Variants in CTNND2 observed in about 807,000 individuals in gnomAD.
CTNND2 encodes the protein catenin delta-2.
CTNND2 carries 22 observed loss-of-function variants against 144.4 expected under a neutral mutation model. That is an observed-to-expected ratio of 0.15 (90% CI 0.11 to 0.22). The LOEUF (loss-of-function observed/expected upper bound fraction) is 0.22. Among genes scored for constraint, CTNND2 ranks in the 10% least tolerant of loss-of-function variants. CTNND2 has a pLI of 1.00. For missense variants in CTNND2, 1,353 were observed against 1,618.8 expected (o/e 0.84, Z 2.82); for synonymous variants, 751 against 695.6 (o/e 1.08, Z -1.25).
intron 1 of CTNND2, among the ~76,000 whole-genome samples, chr5:11,886,758 T>C (rs964152157): frequency 6.6e-6 from 1 of 152,154 alleles, no homozygotes; most frequent in Non-Finnish European, 1.5e-5. Flanking sequence ...AGATGATTCA[T>C]AAAATAAAGA....
chr5:11,690,313 A>G (rs889576279), intron 2 of CTNND2, among the ~76,000 whole-genome samples: 1 of 152,198 alleles, frequency 6.6e-6, no homozygotes, highest in African/African-American at 2.4e-5. Flanking sequence ...AACAAAAAAA[A>G]CTTTCAAACG....
chr5:11,158,518 A>G (rs1429326426), intron 12 of CTNND2, among the ~76,000 whole-genome samples: 3 of 152,168 alleles, frequency 2.0e-5, no homozygotes, highest in African/African-American at 4.8e-5. Flanking sequence ...CCATGAACGC[A>G]TGTAGATATT....
intron 7 of CTNND2, 45 bp from the exon 8 acceptor site, chr5:11,364,935 A>G: frequency 6.6e-7 from 1 of 1,520,334 alleles, no homozygotes. Context: ...GGCGACCTCC[A>G]AACAGAACTT....
rs149790860 is a variant in CTNND2 at position 11,553,343 on chromosome 5, T to C, written c.287+11601A>G. Among the ~76,000 whole-genome samples, 130 of 152,350 alleles carry C rather than the reference T, an allele frequency of 8.5e-4. 1 individual carries two copies. The highest frequency in any genetic ancestry group is 2.9e-3 in the African/African-American group (120 of 41,586). ...GAAGGAGACAAACATGGTACTACTC[T>C]GATACATCTTTTTAGCCCACAATGA... is the stretch of plus-strand genomic sequence containing the variant. On this transcript the variant is annotated intron_variant, in intron 3 of 21. Coordinates refer to ENST00000304623, the MANE Select transcript of CTNND2 (RefSeq NM_001332.4).
chr5:11,529,361 C>T (rs1042658729), intron 3 of CTNND2, among the ~76,000 whole-genome samples: 5 of 152,182 alleles, frequency 3.3e-5, no homozygotes, highest in East Asian at 1.9e-4. Flanking sequence ...AAAACCAAAG[C>T]GTCTTCCAAT....
chr5:11,301,378 G>A (rs554253560), intron 9 of CTNND2, among the ~76,000 whole-genome samples: 1 of 152,182 alleles, frequency 6.6e-6, no homozygotes, highest in Non-Finnish European at 1.5e-5. Context: ...CCCTCAGCTG[G>A]AGTCACTGAA....
intron 16 of CTNND2, among the ~76,000 whole-genome samples, chr5:11,037,284 A>C (rs937619742): frequency 6.6e-6 from 1 of 152,182 alleles, no homozygotes; most frequent in African/African-American, 2.4e-5. Flanking sequence ...CAGCCTTAGC[A>C]CCAACAGGTG....
chr5:11,210,908 A>T (rs936357138), intron 10 of CTNND2, among the ~76,000 whole-genome samples: 11 of 152,180 alleles, frequency 7.2e-5, no homozygotes, highest in African/African-American at 2.7e-4. Context: ...GAACCTGTGG[A>T]GTCAGGAATT....
At chr5:11,319,989 C>T (rs765779109) in intron 9 of CTNND2, among the ~76,000 whole-genome samples, 14 of 152,168 alleles carry the variant, frequency 9.2e-5, no homozygotes, top group Non-Finnish European at 1.9e-4. Context: ...CAAATGGACA[C>T]TGCATATACA....
Position 11,904,214 on chromosome 5 carries a change from C to T in CTNND2, c.-361G>A, listed in dbSNP as rs1738153492. Among the ~76,000 whole-genome samples the T allele has an allele frequency of 6.9e-6, 1 of 145,422 alleles. No individual in the cohort carries two copies. The highest frequency in any genetic ancestry group is 6.8e-5 in the Admixed American group (1 of 14,710). On this transcript the variant is annotated 5_prime_UTR_variant, in exon 1 of 22. Transcript: ENST00000304623. The surrounding 1 kb of genome is among the most constrained non-coding windows in gnomAD (Gnocchi z 4.2). ...CGCGCCCGCAGCTCCGCTCAGCCGGCTGTCGCCGCGGGCGCGAGCCTGGGG... is the reference window on the plus strand; with the variant it reads ...CGCGCCCGCAGCTCCGCTCAGCCGGTTGTCGCCGCGGGCGCGAGCCTGGGG...
chr5:11,805,544 G>A (rs1199478019), intron 1 of CTNND2, among the ~76,000 whole-genome samples: 1 of 152,010 alleles, frequency 6.6e-6, no homozygotes, highest in Non-Finnish European at 1.5e-5. Flanking sequence ...AACAATGAAT[G>A]AATGAATGAA....
chr5:11,573,416 A>T (rs1321044116), intron 2 of CTNND2, among the ~76,000 whole-genome samples: 1 of 152,100 alleles, frequency 6.6e-6, no homozygotes, highest in East Asian at 1.9e-4. Context: ...TTGACTCTAC[A>T]GCCACGTCTC....
rs535272065 is a variant in CTNND2 at position 10,986,748 on chromosome 5, G to A, written c.3343+1363C>T. The A allele has an allele frequency of 1.3e-3, 579 of 451,028 alleles. 2 individuals carry two copies. The highest frequency in any genetic ancestry group is 2.9e-3 in the Admixed American group (121 of 41,430). 27.9% of individuals were successfully genotyped at this position (451,028 alleles called of 1,614,324 possible). A position where few individuals can be genotyped will look rare whatever the true frequency, so the allele number is the denominator to read the frequency against. On this transcript the variant is annotated intron_variant, in intron 20 of 21. Transcript: ENST00000304623. ...ATGGAGGCAGAATGTGCTCCTGGGG[G>A]CAGGGATAAGAAACATCCGTTTATT...
chr5:11,098,685 G>A lies in CTNND2; in HGVS notation c.2527C>T (p.His843Tyr). The change falls in exon 15 of 22, where the codon CAC becomes TAC. Residue 843 changes from histidine (H) to tyrosine (Y), a missense_variant. By Grantham distance (83) the His-to-Tyr change is moderately conservative (BLOSUM62 2). Around this residue, in one of 4 missense-constraint regions of CTNND2, gnomAD observed 459 missense variants for 674.3 expected, o/e 0.68. Coordinates refer to ENST00000304623, the MANE Select transcript of CTNND2 (RefSeq NM_001332.4). The part of the protein sequence containing the change: ...EPPKGIQMLW[H>Y]PSIVKPYLTL... The stretch of plus-strand genomic sequence containing the variant: ...AGGTAGGGTTTGACTATTGATGGGT[G>A]CCACAGCATCTGGATCCCTTTTGGT... 1.2e-6 allele frequency: 2 copies of A among 1,614,170 alleles called. No homozygotes were observed. Among genetic ancestry groups the A allele is most frequent in the Non-Finnish European group, 1.7e-6 (2 of 1,179,996 alleles).
intron 10 of CTNND2, among the ~76,000 whole-genome samples, chr5:11,228,371 A>C (rs1268182013): frequency 6.7e-6 from 1 of 150,000 alleles, no homozygotes; most frequent in Non-Finnish European, 1.5e-5. Context: ...AAAAAAAAAA[A>C]AAAAAAAACA....
intron 3 of CTNND2, among the ~76,000 whole-genome samples, chr5:11,547,461 C>T (rs1009611249): frequency 3.3e-5 from 5 of 151,776 alleles, no homozygotes; most frequent in Non-Finnish European, 7.4e-5. Context: ...TTCTATTCAT[C>T]AAAGGACACT....
At chr5:11,869,686 C>A (rs1795934641) in intron 1 of CTNND2, among the ~76,000 whole-genome samples, 1 of 152,162 alleles carries the variant, frequency 6.6e-6, no homozygotes, top group Non-Finnish European at 1.5e-5. Flanking sequence ...TATATAATGC[C>A]ACTTACTTCT....
chr5:11,820,390 G>A (rs1259901050), intron 1 of CTNND2, among the ~76,000 whole-genome samples: 3 of 152,126 alleles, frequency 2.0e-5, no homozygotes, highest in East Asian at 1.9e-4. Context: ...CGGGGAACAC[G>A]ACTGGAGGTA....
At chr5:11,381,700 G>T (rs899113605) in intron 7 of CTNND2, among the ~76,000 whole-genome samples, 2 of 152,224 alleles carry the variant, frequency 1.3e-5, no homozygotes, top group African/African-American at 4.8e-5. Flanking sequence ...AGGTGTGGTG[G>T]CTCACGCCTG....
Sources: allele counts gnomAD v4.1 joint callset (sites outside exome capture counted in the v4.1 genomes callset), GRCh38; gene constraint gnomAD v4.1.1; regional missense constraint gnomAD v4.1.1; non-coding constraint Gnocchi (gnomAD v3.1); transcripts MANE v1.5; gene names NCBI Gene and HGNC (gene_info 2026-07-23, HGNC 2026-07-21).